Variants in NIPAL3 observed in about 807,000 individuals in gnomAD.
The protein encoded by NIPAL3 is NIPA-like protein 3.
In NIPAL3, 41 loss-of-function variants were observed where a neutral mutation model predicts 47.2. That is an observed-to-expected ratio of 0.87 (90% confidence interval 0.68 to 1.13). The LOEUF is 1.13. Ranked by LOEUF, NIPAL3 falls within the 50% of genes most tolerant of loss-of-function variation. NIPAL3 has a pLI of 0.00. For synonymous variants in NIPAL3, 194 were observed against 209.6 expected (o/e 0.93, Z 0.64); for missense variants, 449 against 530.1 (o/e 0.85, Z 1.50).
chr1:24,423,948 A>C (rs1335472053), intron 2 of NIPAL3, among the ~76,000 whole-genome samples: 1 of 152,204 alleles, frequency 6.6e-6, no homozygotes, highest in Non-Finnish European at 1.5e-5. Flanking sequence ...GCTCCTTAGA[A>C]TATAAAAAAT....
rs1043882171 is a variant in NIPAL3 at position 24,454,269 on chromosome 1, G to A, written c.637+765G>A. On this transcript the variant is annotated intron_variant, in intron 7 of 11. Transcript: ENST00000374399. The surrounding 1 kb of genome is among the most constrained non-coding windows in gnomAD (Gnocchi z 4.1). ...CTGAGGAGAAGCAGACAGAGGCGGA[G>A]GAGCAGGCTGGTGTCAGGGCTGGTG... The A allele has an allele frequency of 1.7e-6, 2 of 1,164,940 alleles. No homozygotes were observed. The highest frequency in any genetic ancestry group is 2.1e-6 in the Non-Finnish European group (2 of 932,478). The allele number at this position is 1,164,940 out of a possible 1,614,324, so 72.2% of individuals were successfully genotyped here.
Position 24,416,245 on chromosome 1 carries a change from G to A in NIPAL3, c.-258+341G>A. On this transcript the variant is annotated intron_variant, in intron 1 of 11. Transcript: ENST00000374399. This position sits in a 1 kb window ranked among gnomAD's most constrained non-coding sequence, Gnocchi z 4.8. ...GTGGAGTTAGCAGGTGGGATGAGGG[G>A]AGGCGTTCTTGGTCTAAGCCCGCTT... 1 of 985,542 alleles carries A rather than the reference G, an allele frequency of 1.0e-6. No homozygotes were observed. 61.0% of individuals were successfully genotyped at this position (985,542 alleles called of 1,614,324 possible).
At chr1:24,435,620 A>G (rs1251199300) in intron 2 of NIPAL3, among the ~76,000 whole-genome samples, 2 of 152,178 alleles carry the variant, frequency 1.3e-5, no homozygotes, top group African/African-American at 4.8e-5. Flanking sequence ...TGCTATTGTC[A>G]CAAAATATGA....
intron 2 of NIPAL3, among the ~76,000 whole-genome samples, chr1:24,423,543 T>C (rs1051670841): frequency 5.9e-5 from 9 of 152,014 alleles, no homozygotes; most frequent in Non-Finnish European, 1.2e-4. Flanking sequence ...GGCAGGAGAA[T>C]GGCGTGAACC....
intron 1 of NIPAL3, among the ~76,000 whole-genome samples, chr1:24,417,200 C>G (rs1337178093): frequency 1.3e-5 from 2 of 152,164 alleles, no homozygotes; most frequent in African/African-American, 4.8e-5. Context: ...AGGCTCTGGG[C>G]TAGATCTCAT....
intron 10 of NIPAL3, 59 bp downstream of exon 10, chr1:24,460,603 G>A (rs1646426560): frequency 7.0e-7 from 1 of 1,432,640 alleles, no homozygotes; most frequent in Non-Finnish European, 9.4e-7. Flanking sequence ...CAAGCAGGTT[G>A]CCCCTCTCTC....
chr1:24,461,532 A>G (rs1646470005), intron 10 of NIPAL3, among the ~76,000 whole-genome samples: 1 of 149,320 alleles, frequency 6.7e-6, no homozygotes, highest in South Asian at 2.1e-4. Flanking sequence ...ACAAGAGCAA[A>G]ATTCCGTCTC....
At chr1:24,430,749 C>T (rs1359089396) in intron 2 of NIPAL3, among the ~76,000 whole-genome samples, 3 of 152,158 alleles carry the variant, frequency 2.0e-5, no homozygotes, top group Admixed American at 6.5e-5. Context: ...AGGGCATTGT[C>T]GATTATGCCT....
intron 1 of NIPAL3, among the ~76,000 whole-genome samples, chr1:24,418,456 C>T (rs1644161681): frequency 6.6e-6 from 1 of 151,994 alleles, no homozygotes. Context: ...ATGGCGAAAC[C>T]CTGTCTCTAC....
chr1:24,437,721 A>T (rs1181571757), intron 2 of NIPAL3, among the ~76,000 whole-genome samples: 1 of 152,090 alleles, frequency 6.6e-6, no homozygotes, highest in Non-Finnish European at 1.5e-5. Context: ...CAAGATCTGG[A>T]TCCCAGAGAA....
chr1:24,466,244 C>T (rs1646693975), intron 11 of NIPAL3: 2 of 640,034 alleles, frequency 3.1e-6, no homozygotes, highest in Non-Finnish European at 5.3e-6. Flanking sequence ...GGCCACTCTG[C>T]AGCTGTGATG....
At chr1:24,468,658 C>A (rs1646798473) in intron 11 of NIPAL3, among the ~76,000 whole-genome samples, 1 of 152,202 alleles carries the variant, frequency 6.6e-6, no homozygotes, top group South Asian at 2.1e-4. Context: ...TTGGCATCTA[C>A]CACGTTCAAA....
Position 24,449,859 on chromosome 1 carries a change from A to G in NIPAL3, c.540+233A>G, listed in dbSNP as rs1297920824. 1.3e-5 allele frequency among the ~76,000 whole-genome samples: 2 copies of G among 152,166 alleles called. No individual in the cohort carries two copies. The highest frequency in any genetic ancestry group is 2.9e-5 in the Non-Finnish European group (2 of 68,034). ...TAAATTGGTACAGCCACTTGGGAAA[A>G]ACATTTGACACTAATTACCAAATTG... On this transcript the variant is annotated intron_variant, in intron 6 of 11. Transcript: ENST00000374399. This position sits in a 1 kb window ranked among gnomAD's most constrained non-coding sequence, Gnocchi z 4.5.
intron 2 of NIPAL3, among the ~76,000 whole-genome samples, chr1:24,431,175 A>G (rs1267686536): frequency 1.3e-5 from 2 of 152,208 alleles, no homozygotes; most frequent in Non-Finnish European, 2.9e-5. Context: ...AAGAAAAGTC[A>G]TTCTTGGGAT....
chr1:24,441,669 C>T (rs562078950), intron 3 of NIPAL3, among the ~76,000 whole-genome samples: 11 of 152,234 alleles, frequency 7.2e-5, no homozygotes, highest in African/African-American at 1.7e-4. Context: ...GGGAGGAGGT[C>T]GACCCAAGGG....
chr1:24,448,553 G>GT (rs1293938174), intron 5 of NIPAL3, among the ~76,000 whole-genome samples: 11 of 152,146 alleles, frequency 7.2e-5, no homozygotes, highest in African/African-American at 2.2e-4. Context: ...TATTTTATTT[G>GT]TTTTTTTAGT....
chr1:24,431,054 C>T (rs1644854766), intron 2 of NIPAL3, among the ~76,000 whole-genome samples: 1 of 152,174 alleles, frequency 6.6e-6, no homozygotes, highest in Admixed American at 6.5e-5. Flanking sequence ...AAAGCTAGTC[C>T]TTATTTTCCA....
intron 2 of NIPAL3, chr1:24,433,195 G>T (rs3765888): frequency 0.32 from 48,218 of 152,084 alleles, 8,782 homozygotes; most frequent in African/African-American, 0.51. Flanking sequence ...TGTCATGAAG[G>T]ACAGAGGCTG....
chr1:24,441,313 A>G (rs1410902455), intron 3 of NIPAL3, among the ~76,000 whole-genome samples: 1 of 151,984 alleles, frequency 6.6e-6, no homozygotes, highest in Non-Finnish European at 1.5e-5. Context: ...TCTCTTAGCT[A>G]CTTGTCTGGT....
Sources: allele counts gnomAD v4.1 joint callset (sites outside exome capture counted in the v4.1 genomes callset), GRCh38; gene constraint gnomAD v4.1.1; non-coding constraint Gnocchi (gnomAD v3.1); transcripts MANE v1.5; gene names NCBI Gene and HGNC (gene_info 2026-07-23, HGNC 2026-07-21).